Variants in IMPG1 observed in about 807,000 individuals in gnomAD.
IMPG1 encodes the protein interphotoreceptor matrix proteoglycan 1, also known as interphotoreceptor matrix proteoglycan of 150 kDa.
IMPG1 carries 85 observed loss-of-function variants against 92.0 expected under a neutral mutation model. That is an observed-to-expected ratio of 0.92 (90% CI 0.78 to 1.11). IMPG1 has a LOEUF of 1.11. Among genes scored for constraint, IMPG1 ranks in the 50% least tolerant of loss-of-function variants. The pLI, the probability that IMPG1 is intolerant of heterozygous loss-of-function variation, is 0.00. For missense variants in IMPG1, 1,022 were observed against 956.0 expected (o/e 1.07, Z -0.91); for synonymous variants, 367 against 334.1 (o/e 1.10, Z -1.08).
chr6:76,003,065 C>A lies in IMPG1; in HGVS notation c.1213-69G>T, dbSNP rs1028842880. The A allele has an allele frequency of 9.0e-6, 10 of 1,105,760 alleles. 1 individual carries two copies. Among genetic ancestry groups the A allele is most frequent in the African/African-American group, 6.2e-5 (4 of 64,880 alleles). The allele number at this position is 1,105,760 out of a possible 1,614,324, so 68.5% of individuals were successfully genotyped here. On this transcript the variant is annotated intron_variant, in intron 11 of 16. Transcript: ENST00000369950. ...TGTATGTATATGAGAAGGGCTATACCCATATTTCAAAATTTTCATTTAAAT... is the reference window on the plus strand; with the variant it reads ...TGTATGTATATGAGAAGGGCTATACACATATTTCAAAATTTTCATTTAAAT...
At chr6:76,014,882 T>G (rs1408524677) in intron 7 of IMPG1, among the ~76,000 whole-genome samples, 1 of 152,160 alleles carries the variant, frequency 6.6e-6, no homozygotes, top group African/African-American at 2.4e-5. Flanking sequence ...TGGGATTGAT[T>G]AAGAGTCAGC....
At chr6:75,998,859 T>C (rs755827654) in intron 12 of IMPG1, among the ~76,000 whole-genome samples, 2 of 152,184 alleles carry the variant, frequency 1.3e-5, no homozygotes, top group African/African-American at 4.8e-5. Flanking sequence ...TTTTATGAAA[T>C]AGGAGTGATC....
At chr6:75,969,817 A>G (rs950403541) in intron 12 of IMPG1, among the ~76,000 whole-genome samples, 1 of 152,190 alleles carries the variant, frequency 6.6e-6, no homozygotes, top group Non-Finnish European at 1.5e-5. Context: ...AAACGTATCT[A>G]TATTCTAAGA....
In IMPG1 at chr6:76,034,773, C is replaced by G. The variant is rs771868656; in HGVS notation, c.316G>C (p.Val106Leu). 5 of 1,614,070 alleles carry G rather than the reference C, an allele frequency of 3.1e-6. No individual in the cohort carries two copies. Among genetic ancestry groups the G allele is most frequent in the Non-Finnish European group, 4.2e-6 (5 of 1,179,962 alleles). ...YYRLRVCQEA[V>L]WEAYRIFLDR... ...AGAAAGATCCGATATGCTTCCCATA[C>G]TGCTTCCTGACACACTGTAATACAG... is the stretch of plus-strand genomic sequence containing the variant. Residue 106 changes from valine (V) to leucine (L), a missense_variant, in exon 3 of 17, where the codon GTA (valine) becomes CTA (leucine). Val to Leu is a conservative substitution (Grantham distance 32). This residue lies in a region of IMPG1 where 681 missense variants were observed against 583.6 expected (regional missense o/e 1.17). Transcript: ENST00000369950.
rs201992751 is a variant in IMPG1 at position 75,930,933 on chromosome 6, C to A, written c.2243+20G>T. ...AAGTAATGAGTTCTTGAGTCTGTGACGTTAGCATGCTTGACCCACCTGCAT... is the reference window on the plus strand; with the variant it reads ...AAGTAATGAGTTCTTGAGTCTGTGAAGTTAGCATGCTTGACCCACCTGCAT... On this transcript the variant is annotated intron_variant, in intron 15 of 16. Transcript: ENST00000369950. The A allele has an allele frequency of 2.5e-6, 4 of 1,605,466 alleles. No individual in the cohort carries two copies. The highest frequency in any genetic ancestry group is 3.4e-6 in the Non-Finnish European group (4 of 1,172,244).
intron 1 of IMPG1, among the ~76,000 whole-genome samples, chr6:76,053,465 A>G (rs558045013): frequency 6.6e-6 from 1 of 152,316 alleles, no homozygotes; most frequent in Admixed American, 6.5e-5. Context: ...AACAAATTCC[A>G]AAAAATTCAG....
intron 14 of IMPG1, among the ~76,000 whole-genome samples, chr6:75,943,551 C>T (rs929568873): frequency 6.6e-6 from 1 of 152,174 alleles, no homozygotes; most frequent in Non-Finnish European, 1.5e-5. Flanking sequence ...GATGCTGGTG[C>T]CTGCGGAAAG....
At chr6:75,964,321 A>G (rs1172168817) in intron 12 of IMPG1, among the ~76,000 whole-genome samples, 1 of 151,988 alleles carries the variant, frequency 6.6e-6, no homozygotes, top group Non-Finnish European at 1.5e-5. Context: ...ATTAGAAACC[A>G]CTGAATTGTC....
chr6:76,045,357 AACACCAAGCTACAACT>A (rs1783920037), intron 1 of IMPG1, among the ~76,000 whole-genome samples: 1 of 152,004 alleles, frequency 6.6e-6, no homozygotes, highest in Non-Finnish European at 1.5e-5. Context: ...TGGTGCAGCG[AACACCAAGCTACAACT>A]ACTTCCATAA....
At chr6:75,931,759 T>C (rs754820550) in intron 14 of IMPG1, among the ~76,000 whole-genome samples, 4 of 152,246 alleles carry the variant, frequency 2.6e-5, no homozygotes, top group Non-Finnish European at 5.9e-5. Flanking sequence ...ACATTTAGAC[T>C]CACTTCTTTC....
chr6:76,055,303 A>C (rs1784102627), intron 1 of IMPG1, among the ~76,000 whole-genome samples: 1 of 152,122 alleles, frequency 6.6e-6, no homozygotes, highest in Non-Finnish European at 1.5e-5. Flanking sequence ...AATTATTCAA[A>C]ATAACCCATA....
intron 8 of IMPG1, among the ~76,000 whole-genome samples, chr6:76,009,372 A>G (rs1224768691): frequency 2.0e-5 from 3 of 152,208 alleles, no homozygotes; most frequent in Non-Finnish European, 4.4e-5. Flanking sequence ...TACTTGTTAA[A>G]TTGTAAATCA....
intron 12 of IMPG1, among the ~76,000 whole-genome samples, chr6:75,997,374 C>T (rs1378126921): frequency 6.6e-6 from 1 of 152,178 alleles, no homozygotes; most frequent in Admixed American, 6.5e-5. Context: ...CCCTTTCATC[C>T]TAAAGTGGAG....
chr6:75,947,361 T>C lies in IMPG1; in HGVS notation c.1997A>G (p.Gln666Arg). 1 of 1,613,970 alleles carries C rather than the reference T, an allele frequency of 6.2e-7. No homozygotes were observed. The highest frequency in any genetic ancestry group is 1.1e-5 in the South Asian group (1 of 91,080). ...VLEDFRSAAA[Q>R]QLHLEIDSYS... ...GCTGTCTATTTCCAGATGGAGTTGTTGGGCTGCAGCAGAACGAAAATCCTC... is the reference window on the plus strand; with the variant it reads ...GCTGTCTATTTCCAGATGGAGTTGTCGGGCTGCAGCAGAACGAAAATCCTC... The change falls in exon 14 of 17, where the codon CAA (glutamine) becomes CGA (arginine). Residue 666 changes from glutamine to arginine, a missense_variant. Physicochemically the swap from Gln to Arg is conservative, Grantham distance 43 (BLOSUM62 1). This residue lies in a region of IMPG1 where 332 missense variants were observed against 346.2 expected (regional missense o/e 0.96). Transcript: ENST00000369950.
At chr6:75,973,070 C>T (rs1368605836) in intron 12 of IMPG1, among the ~76,000 whole-genome samples, 1 of 152,128 alleles carries the variant, frequency 6.6e-6, no homozygotes, top group African/African-American at 2.4e-5. Context: ...CTCCTGAGCT[C>T]GAGCTCGAGT....
At chr6:75,989,219 G>C (rs1176654988) in intron 12 of IMPG1, among the ~76,000 whole-genome samples, 2 of 152,132 alleles carry the variant, frequency 1.3e-5, no homozygotes, top group Non-Finnish European at 2.9e-5. Context: ...CCCCCGAGTA[G>C]TAATTACAGG....
chr6:76,049,185 C>G (rs1281866501), intron 1 of IMPG1, among the ~76,000 whole-genome samples: 1 of 152,042 alleles, frequency 6.6e-6, no homozygotes, highest in Non-Finnish European at 1.5e-5. Flanking sequence ...ATGCTGGGGC[C>G]TATCAGAGAG....
intron 4 of IMPG1, among the ~76,000 whole-genome samples, chr6:76,029,877 C>T (rs1783624342): frequency 6.6e-6 from 1 of 152,104 alleles, no homozygotes; most frequent in East Asian, 1.9e-4. Context: ...GACTCACTTC[C>T]ACAGTTTCAC....
chr6:75,980,531 C>G (rs1390357482), intron 12 of IMPG1, among the ~76,000 whole-genome samples: 2 of 152,156 alleles, frequency 1.3e-5, no homozygotes, highest in South Asian at 4.1e-4. Context: ...AAACTGCCAG[C>G]GTGGCTAGGA....
Sources: gnomAD v4.1 joint callset for allele counts (sites outside exome capture counted in the v4.1 genomes callset) on GRCh38, gnomAD v4.1.1 for gene constraint, gnomAD v4.1.1 regional missense constraint, MANE v1.5 for transcripts, NCBI Gene and HGNC (gene_info 2026-07-23, HGNC 2026-07-21) for gene names.